The following TYR variants were observed in gnomAD, a reference collection of about 807,000 sequenced individuals.
The protein encoded by TYR is tyrosinase.
Under a neutral mutation model 51.5 loss-of-function variants are expected in TYR, and 58 were observed. The observed-to-expected ratio is 1.13, with a 90% CI of 0.91 to 1.40. The LOEUF (loss-of-function observed/expected upper bound fraction) is 1.40. Ranked by LOEUF, TYR falls within the 40% of genes most tolerant of loss-of-function variation. The probability of loss-of-function intolerance (pLI) is 0.00; values close to 1 mark genes in which losing one functional copy is unlikely to be tolerated. For synonymous variants in TYR, 263 were observed against 235.2 expected (o/e 1.12, Z -1.08); for missense variants, 732 against 647.4 (o/e 1.13, Z -1.42).
intron 3 of TYR, among the ~76,000 whole-genome samples, chr11:89,262,847 C>CAAAAA (rs771958187): frequency 1.1e-3 from 22 of 19,288 alleles, no homozygotes; most frequent in East Asian, 1.9e-3. Context: ...GCTACTCATC[C>CAAAAA]AAAAAAAAAA....
intron 2 of TYR, among the ~76,000 whole-genome samples, chr11:89,196,804 C>T (rs1480506774): frequency 1.3e-5 from 2 of 152,084 alleles, no homozygotes; most frequent in Admixed American, 6.6e-5. Context: ...GAAAACCTAC[C>T]CCACAAGGGA....
At chr11:89,254,066 G>A (rs1944360919) in intron 3 of TYR, among the ~76,000 whole-genome samples, 5 of 151,674 alleles carry the variant, frequency 3.3e-5, no homozygotes, top group Admixed American at 3.3e-4. Context: ...TACATTTTCT[G>A]CATCTATTGA....
Position 89,206,983 on chromosome 11 carries a change from G to A in TYR, c.1036+15565G>A, listed in dbSNP as rs150015932. Among the ~76,000 whole-genome samples, 4 of 152,160 alleles carry A rather than the reference G, an allele frequency of 2.6e-5. No homozygotes were observed. The South Asian group carries it at 6.2e-4, about 24-fold the overall frequency. On this transcript the variant is annotated intron_variant, in intron 2 of 4. Coordinates refer to ENST00000263321, the MANE Select transcript of TYR (RefSeq NM_000372.5). ...CAGACATACTATAAAATTGTGCTGAGAGGGGGAAGTATAGTACTAAATGCA... is the reference window on the plus strand; with the variant it reads ...CAGACATACTATAAAATTGTGCTGAAAGGGGGAAGTATAGTACTAAATGCA...
chr11:89,200,811 A>G (rs1943587938), intron 2 of TYR, among the ~76,000 whole-genome samples: 1 of 152,160 alleles, frequency 6.6e-6, no homozygotes, highest in African/African-American at 2.4e-5. Context: ...AGAGAGAAGT[A>G]TTTTTAAAAA....
At chr11:89,279,086 A>T (rs1016079136) in intron 3 of TYR, among the ~76,000 whole-genome samples, 2 of 151,606 alleles carry the variant, frequency 1.3e-5, no homozygotes, top group African/African-American at 4.8e-5. Context: ...AATGTACCCC[A>T]AAGTATGGTG....
intron 2 of TYR, among the ~76,000 whole-genome samples, chr11:89,201,935 T>A (rs1364741622): frequency 6.6e-6 from 1 of 152,230 alleles, no homozygotes. Context: ...AATGTTGATA[T>A]CTAAAGGCAC....
At chr11:89,261,560 A>C (rs531280983) in intron 3 of TYR, among the ~76,000 whole-genome samples, 1 of 152,162 alleles carries the variant, frequency 6.6e-6, no homozygotes, top group African/African-American at 2.4e-5. Context: ...CACACAATAC[A>C]TGAAGCAAAA....
At chr11:89,294,042 G>C (rs1432757999) in intron 4 of TYR, 1 of 175,492 alleles carries the variant, frequency 5.7e-6, no homozygotes, top group African/African-American at 2.4e-5. Context: ...TTTTTTACCA[G>C]GTTTTTTAGA....
At chr11:89,183,096 C>T (rs1202960062) in intron 1 of TYR, among the ~76,000 whole-genome samples, 2 of 151,848 alleles carry the variant, frequency 1.3e-5, no homozygotes, top group African/African-American at 4.8e-5. Context: ...ACATTTTTTC[C>T]CCCAGATAAA....
At position 89,198,355 on chromosome 11, in the gene TYR, A is replaced by G. The variant is rs186199786; in HGVS notation, c.1036+6937A>G. Among the ~76,000 whole-genome samples the G allele has an allele frequency of 2.0e-5, 3 of 152,310 alleles. No homozygotes were observed. The East Asian group carries it at 5.8e-4, about 29-fold the overall frequency. On this transcript the variant is annotated intron_variant, in intron 2 of 4. Coordinates refer to ENST00000263321, the MANE Select transcript of TYR (RefSeq NM_000372.5). ...AATTGGAAGGCTAAACTATTTCCCT[A>G]GTATCTTCCTCACTAATTCTGAGGG...
chr11:89,192,322 A>C (rs757749298), intron 2 of TYR, among the ~76,000 whole-genome samples: 2 of 152,114 alleles, frequency 1.3e-5, no homozygotes, highest in Non-Finnish European at 2.9e-5. Flanking sequence ...CAAACAAAAA[A>C]AAACTCAATC....
intron 3 of TYR, among the ~76,000 whole-genome samples, chr11:89,272,665 G>T (rs1944603096): frequency 6.6e-6 from 1 of 151,870 alleles, no homozygotes; most frequent in Admixed American, 6.6e-5. Context: ...GTTCTTTCTA[G>T]CTAAGAAAGT....
chr11:89,264,600 T>C (rs1944502202), intron 3 of TYR, among the ~76,000 whole-genome samples: 2 of 151,852 alleles, frequency 1.3e-5, no homozygotes, highest in African/African-American at 4.8e-5. Flanking sequence ...CATTCTATTA[T>C]AAAGAAACAT....
chr11:89,196,516 G>A (rs77250959), intron 2 of TYR, among the ~76,000 whole-genome samples: 2,209 of 152,216 alleles, frequency 0.015, 48 homozygotes, highest in African/African-American at 0.051. Context: ...TGCTCATTAA[G>A]TATTGGCTGA....
At chr11:89,222,276 G>A (rs934639850) in intron 2 of TYR, among the ~76,000 whole-genome samples, 4 of 152,152 alleles carry the variant, frequency 2.6e-5, no homozygotes, top group South Asian at 4.1e-4. Flanking sequence ...ATGTTAGAAC[G>A]ACCCGGAGTG....
At position 89,259,372 on chromosome 11, in the gene TYR, A is replaced by G. The variant is rs1944431603; in HGVS notation, c.1185-25401A>G. Among the ~76,000 whole-genome samples, 7 of 152,068 alleles carry G rather than the reference A, an allele frequency of 4.6e-5. No individual in the cohort carries two copies. In the South Asian group the frequency reaches 1.4e-3, roughly 31 times the overall value. ...CTTATTCTTTTTAGTCTTTTTCTCA[A>G]GAAGGTTGACACTATTTAAACTTCT... On this transcript the variant is annotated intron_variant, in intron 3 of 4. Coordinates refer to ENST00000263321, the MANE Select transcript of TYR (RefSeq NM_000372.5).
At chr11:89,199,213 A>G (rs1436304335) in intron 2 of TYR, among the ~76,000 whole-genome samples, 2 of 152,198 alleles carry the variant, frequency 1.3e-5, no homozygotes, top group African/African-American at 4.8e-5. Context: ...TAGTGCCGCA[A>G]TAAACATATG....
chr11:89,193,454 T>C (rs1381175679), intron 2 of TYR, among the ~76,000 whole-genome samples: 1 of 152,178 alleles, frequency 6.6e-6, no homozygotes, highest in Non-Finnish European at 1.5e-5. Flanking sequence ...AAATAATTTA[T>C]GTTTGTAAAT....
At chr11:89,254,310 C>T (rs1463204937) in intron 3 of TYR, among the ~76,000 whole-genome samples, 1 of 151,498 alleles carries the variant, frequency 6.6e-6, no homozygotes, top group Non-Finnish European at 1.5e-5. Context: ...ATGTTCTTTT[C>T]CGGTTTTGGT....
Sources: allele counts gnomAD v4.1 joint callset (sites outside exome capture counted in the v4.1 genomes callset), GRCh38; gene constraint gnomAD v4.1.1; transcripts MANE v1.5; gene names NCBI Gene and HGNC (gene_info 2026-07-23, HGNC 2026-07-21).